EFNB2: variants seen among roughly 807,000 people sequenced by gnomAD.
EFNB2 encodes the protein ephrin B2.
In EFNB2, 5 loss-of-function variants were observed where a neutral mutation model predicts 32.1. The ratio of observed to expected loss-of-function variants is 0.16; its 90% CI spans 0.08 to 0.33. The LOEUF (loss-of-function observed/expected upper bound fraction) is 0.33. Ranked by LOEUF, EFNB2 falls within the 10% of genes least tolerant of loss-of-function variation. The pLI is 1.00. For missense variants in EFNB2, 263 were observed against 422.6 expected, an observed-to-expected ratio of 0.62 and a Z score of 3.31; for synonymous variants, 168 against 166.5, an observed-to-expected ratio of 1.01 and a Z score of -0.07.
At chr13:106,510,471 A>T (rs866368199) in intron 2 of EFNB2, among the ~76,000 whole-genome samples, 1 of 152,360 alleles carries the variant, frequency 6.6e-6, no homozygotes, top group South Asian at 2.1e-4. Context: ...CATAAGCTAA[A>T]GTAAGAAGAG....
Position 106,490,238 on chromosome 13 carries a change from TACTGTAAC to T in EFNB2, c.*2794_*2801del, listed in dbSNP as rs1432332719. 2 of 152,392 alleles carry T rather than the reference TACTGTAAC, an allele frequency of 1.3e-5. No individual in the cohort carries two copies. Among genetic ancestry groups the T allele is most frequent in the Non-Finnish European group, 2.9e-5 (2 of 68,040 alleles). 9.4% of individuals were successfully genotyped at this position (152,392 alleles called of 1,614,324 possible). On this transcript the variant is annotated 3_prime_UTR_variant, in exon 5 of 5. Coordinates refer to ENST00000646441, the MANE Select transcript of EFNB2 (RefSeq NM_004093.4). ...TTTTTATTAAAAAGGTGAATAAGGC[TACTGTAAC>T]ACCCCAAATCCATAGACAGTAAAAT...
chr13:106,506,104 C>T (rs998166004), intron 2 of EFNB2: 3 of 152,170 alleles, frequency 2.0e-5, no homozygotes, highest in African/African-American at 7.2e-5. Context: ...CTCACTGACA[C>T]ACACTGGGAA....
At chr13:106,522,478 A>G in intron 1 of EFNB2, among the ~76,000 whole-genome samples, 1 of 152,238 alleles carries the variant, frequency 6.6e-6, no homozygotes, top group East Asian at 1.9e-4. Flanking sequence ...ATGAGTGTTC[A>G]AATCCATTTG....
chr13:106,496,368 T>C (rs1373587787), intron 2 of EFNB2, among the ~76,000 whole-genome samples: 1 of 152,188 alleles, frequency 6.6e-6, no homozygotes, highest in Non-Finnish European at 1.5e-5. Context: ...TTTTCAGCCT[T>C]ATGCATGCTT....
chr13:106,502,060 G>A (rs1878802008), intron 2 of EFNB2, among the ~76,000 whole-genome samples: 1 of 152,156 alleles, frequency 6.6e-6, no homozygotes, highest in Non-Finnish European at 1.5e-5. Flanking sequence ...GGATGTGTGA[G>A]TTTTTCACCC....
At chr13:106,511,350 C>T (rs372916847) in intron 2 of EFNB2, among the ~76,000 whole-genome samples, 23 of 152,178 alleles carry the variant, frequency 1.5e-4, no homozygotes, top group African/African-American at 5.3e-4. Context: ...GGTGCAGTGG[C>T]ACATGCCTGT....
intron 2 of EFNB2, among the ~76,000 whole-genome samples, chr13:106,512,274 A>G (rs535846038): frequency 1.4e-5 from 2 of 142,762 alleles, no homozygotes; most frequent in South Asian, 2.3e-4. Context: ...CATATAATAC[A>G]TTTATTTCAA....
chr13:106,500,958 C>G (rs1418834327), intron 2 of EFNB2, among the ~76,000 whole-genome samples: 1 of 152,128 alleles, frequency 6.6e-6, no homozygotes, highest in Non-Finnish European at 1.5e-5. Context: ...TACCACAGGG[C>G]TATCAAATCT....
intron 2 of EFNB2, 137 bp downstream of exon 2, chr13:106,512,392 A>AAGGGG: frequency 3.3e-6 from 1 of 300,382 alleles, no homozygotes; most frequent in Non-Finnish European, 5.2e-6. Context: ...AAAAAAAAAA[A>AAGGGG]GGGGGGGGGG....
chr13:106,515,736 G>A (rs1201290708), intron 1 of EFNB2, among the ~76,000 whole-genome samples: 1 of 152,182 alleles, frequency 6.6e-6, no homozygotes, highest in African/African-American at 2.4e-5. Flanking sequence ...TGGACAGAGT[G>A]CAGTTGAGCT....
chr13:106,511,904 T>G (rs1399495317), intron 2 of EFNB2, among the ~76,000 whole-genome samples: 1 of 152,128 alleles, frequency 6.6e-6, no homozygotes, highest in Non-Finnish European at 1.5e-5. Flanking sequence ...CATCTCTTCT[T>G]GAAACAGCGT....
At chr13:106,502,420 A>G (rs1380377946) in intron 2 of EFNB2, among the ~76,000 whole-genome samples, 1 of 152,210 alleles carries the variant, frequency 6.6e-6, no homozygotes, top group Non-Finnish European at 1.5e-5. Context: ...AGGACATTCT[A>G]CCCAGAGCTC....
At chr13:106,523,736 G>C (rs1337638598) in intron 1 of EFNB2, among the ~76,000 whole-genome samples, 1 of 152,154 alleles carries the variant, frequency 6.6e-6, no homozygotes, top group Non-Finnish European at 1.5e-5. Flanking sequence ...TGAATCCACC[G>C]GCAAGAAGCC....
rs1483471797 is a variant in EFNB2, at chr13:106,535,012, A to C, written c.-48T>G. ...CGCACTCCGGGCCAAGAAGGGACTGACGGGACGCAGGCTGGGACCCCCAAT... is the reference window on the plus strand; with the variant it reads ...CGCACTCCGGGCCAAGAAGGGACTGCCGGGACGCAGGCTGGGACCCCCAAT... On this transcript the variant is annotated 5_prime_UTR_variant, in exon 1 of 5. Coordinates refer to ENST00000646441, the MANE Select transcript of EFNB2 (RefSeq NM_004093.4). 6.2e-7 allele frequency: 1 copy of C among 1,606,552 alleles called. No individual in the cohort carries two copies. Among genetic ancestry groups the C allele is most frequent in the Non-Finnish European group, 8.5e-7 (1 of 1,176,676 alleles).
Position 106,528,654 on chromosome 13 carries a change from C to T in EFNB2, c.122+6189G>A, listed in dbSNP as rs7330587. Among the ~76,000 whole-genome samples the T allele has an allele frequency of 5.0e-3, 754 of 152,230 alleles. 9 individuals are homozygous for T. The highest frequency in any genetic ancestry group is 0.017 in the African/African-American group (712 of 41,542). ...CCTGTAATGCCAAATAGGGGGCAAT[C>T]GAGCAAGTATTTCCTTCTGGCTTGA... On this transcript the variant is annotated intron_variant, in intron 1 of 4. Coordinates refer to ENST00000646441, the MANE Select transcript of EFNB2 (RefSeq NM_004093.4).
At chr13:106,503,711 C>A (rs958187700) in intron 2 of EFNB2, among the ~76,000 whole-genome samples, 12 of 152,184 alleles carry the variant, frequency 7.9e-5, no homozygotes, top group African/African-American at 2.9e-4. Context: ...AGCCCACTGC[C>A]ACTGGACTCT....
rs868753287 is a variant in EFNB2, at chr13:106,518,174, T to G, written c.123-5362A>C. 1.3e-5 allele frequency: 2 copies of G among 152,056 alleles called. No homozygotes were observed. Among genetic ancestry groups the G allele is most frequent in the African/African-American group, 4.8e-5 (2 of 41,390 alleles). 9.4% of individuals were successfully genotyped at this position (152,056 alleles called of 1,614,324 possible). A position where few individuals can be genotyped will look rare whatever the true frequency, so the allele number is the denominator to read the frequency against. On this transcript the variant is annotated intron_variant, in intron 1 of 4. Coordinates refer to ENST00000646441, the MANE Select transcript of EFNB2 (RefSeq NM_004093.4). The surrounding 1 kb of genome is among the most constrained non-coding windows in gnomAD (Gnocchi z 4.1). The stretch of plus-strand genomic sequence containing the variant: ...CCAAGATGGTAAAACCCCGTCTCTA[T>G]TAAAAATACAACACTTAGCTGGGCA...
intron 2 of EFNB2, among the ~76,000 whole-genome samples, chr13:106,497,483 A>G (rs962822336): frequency 2.0e-5 from 3 of 152,200 alleles, no homozygotes; most frequent in African/African-American, 7.2e-5. Flanking sequence ...AAACCTAAAA[A>G]TTTTGTACAC....
intron 2 of EFNB2, among the ~76,000 whole-genome samples, chr13:106,503,619 T>C (rs1168917058): frequency 2.6e-5 from 4 of 152,324 alleles, no homozygotes; most frequent in East Asian, 3.9e-4. Context: ...GAAAATGCTA[T>C]AGATGAACTA....
Sources: gnomAD v4.1 joint callset for allele counts (sites outside exome capture counted in the v4.1 genomes callset) on GRCh38, gnomAD v4.1.1 for gene constraint, Gnocchi (gnomAD v3.1) non-coding constraint, MANE v1.5 for transcripts, NCBI Gene and HGNC (gene_info 2026-07-23, HGNC 2026-07-21) for gene names.